GABRB1: variants seen among roughly 807,000 people sequenced by gnomAD.
The protein encoded by GABRB1 is gamma-aminobutyric acid type A receptor subunit beta1, also known as gamma-aminobutyric acid receptor subunit beta-1.
A neutral mutation model predicts 51.6 loss-of-function variants in GABRB1; 17 were observed. The observed-to-expected ratio is 0.33, with a 90% CI of 0.23 to 0.49. The LOEUF is 0.49. Among genes scored for constraint, GABRB1 ranks in the 20% least tolerant of loss-of-function variants. The pLI, the probability that GABRB1 is intolerant of heterozygous loss-of-function variation, is 0.99. For missense variants in GABRB1, 410 were observed against 600.6 expected, an observed-to-expected ratio of 0.68 and a Z score of 3.32; for synonymous variants, 247 against 218.9, an observed-to-expected ratio of 1.13 and a Z score of -1.14.
chr4:47,202,899 G>A (rs369975846), intron 4 of GABRB1, among the ~76,000 whole-genome samples: 1 of 152,074 alleles, frequency 6.6e-6, no homozygotes, highest in African/African-American at 2.4e-5. Flanking sequence ...TAAAATAAAG[G>A]CCCCAGAGGA....
chr4:47,101,700 A>T (rs1453906756), intron 3 of GABRB1, among the ~76,000 whole-genome samples: 2 of 152,054 alleles, frequency 1.3e-5, no homozygotes. Flanking sequence ...CTTGTATGTG[A>T]AAAGCCATGC....
intron 8 of GABRB1, among the ~76,000 whole-genome samples, chr4:47,420,739 T>G (rs1205884137): frequency 1.3e-5 from 2 of 152,156 alleles, no homozygotes; most frequent in Non-Finnish European, 1.5e-5. Flanking sequence ...TAAGAATACC[T>G]TAGATGCCCT....
chr4:47,181,626 AGGGTTG>A, intron 4 of GABRB1, among the ~76,000 whole-genome samples: 1 of 152,144 alleles, frequency 6.6e-6, no homozygotes, highest in South Asian at 2.1e-4. Context: ...CCTATCGCAT[AGGGTTG>A]TAAGGGCAAT....
At chr4:47,352,781 G>C (rs1287401124) in intron 5 of GABRB1, among the ~76,000 whole-genome samples, 1 of 152,172 alleles carries the variant, frequency 6.6e-6, no homozygotes, top group East Asian at 1.9e-4. Flanking sequence ...TTGCTTATTT[G>C]AGATACTTTG....
intron 3 of GABRB1, among the ~76,000 whole-genome samples, chr4:47,102,837 C>G (rs1168625111): frequency 6.6e-6 from 1 of 151,940 alleles, no homozygotes; most frequent in Non-Finnish European, 1.5e-5. Flanking sequence ...AAAACTAGAA[C>G]TAGGAGAGCA....
chr4:47,043,090 A>G (rs1162586536), intron 3 of GABRB1: 1 of 152,116 alleles, frequency 6.6e-6, no homozygotes, highest in Non-Finnish European at 1.5e-5. Flanking sequence ...AGCATGTCCT[A>G]AAGAAAAAAT....
At chr4:47,088,138 A>G (rs1305062346) in intron 3 of GABRB1, among the ~76,000 whole-genome samples, 1 of 152,226 alleles carries the variant, frequency 6.6e-6, no homozygotes, top group Non-Finnish European at 1.5e-5. Context: ...AAAGTAGAAA[A>G]CGCTGTACTT....
At chr4:47,242,252 T>C (rs374859518) in intron 4 of GABRB1, among the ~76,000 whole-genome samples, 1 of 152,242 alleles carries the variant, frequency 6.6e-6, no homozygotes, top group Non-Finnish European at 1.5e-5. Flanking sequence ...TTCCATGGTG[T>C]ATATGTGCCA....
chr4:47,239,094 C>T (rs1250828362), intron 4 of GABRB1, among the ~76,000 whole-genome samples: 1 of 152,046 alleles, frequency 6.6e-6, no homozygotes, highest in Non-Finnish European at 1.5e-5. Flanking sequence ...GTTATACTTA[C>T]AATGAAATGC....
intron 1 of GABRB1, among the ~76,000 whole-genome samples, chr4:47,010,833 T>A (rs1724560694): frequency 6.6e-6 from 1 of 152,230 alleles, no homozygotes; most frequent in East Asian, 1.9e-4. Context: ...ATAGGATTTT[T>A]ATCAAAGATG....
chr4:47,161,941 C>A (rs1003419216), intron 4 of GABRB1, among the ~76,000 whole-genome samples: 2 of 151,860 alleles, frequency 1.3e-5, no homozygotes, highest in Non-Finnish European at 2.9e-5. Flanking sequence ...CACCAATGCC[C>A]CAAAACAATA....
At chr4:47,132,181 C>T (rs1716444595) in intron 3 of GABRB1, among the ~76,000 whole-genome samples, 1 of 152,062 alleles carries the variant, frequency 6.6e-6, no homozygotes, top group African/African-American at 2.4e-5. Context: ...ATTTCTCTCT[C>T]TTTTTTTACA....
intron 1 of GABRB1, among the ~76,000 whole-genome samples, chr4:47,019,944 A>ATATGTATATGTATACGTATACGTG (rs1560498438): frequency 2.7e-5 from 4 of 150,682 alleles, no homozygotes; most frequent in African/African-American, 9.8e-5. Context: ...ACGTATATGT[A>ATATGTATATGTATACGTATACGTG]TATGTATATG....
At chr4:47,009,307 C>T (rs1277400960) in intron 1 of GABRB1, among the ~76,000 whole-genome samples, 1 of 151,384 alleles carries the variant, frequency 6.6e-6, no homozygotes. Context: ...CAAAACATCA[C>T]ATTTACCACA....
intron 5 of GABRB1, among the ~76,000 whole-genome samples, chr4:47,387,540 C>T (rs1024405152): frequency 2.6e-5 from 4 of 152,070 alleles, no homozygotes; most frequent in African/African-American, 9.7e-5. Context: ...CAAACTGGCT[C>T]GATACAATTA....
At chr4:47,266,544 C>G (rs1261250280) in intron 4 of GABRB1, among the ~76,000 whole-genome samples, 1 of 152,076 alleles carries the variant, frequency 6.6e-6, no homozygotes, top group Non-Finnish European at 1.5e-5. Context: ...ACCCAAAGAT[C>G]GGTCAGGAGC....
chr4:47,218,386 A>G (rs1720636131), intron 4 of GABRB1, among the ~76,000 whole-genome samples: 1 of 151,802 alleles, frequency 6.6e-6, no homozygotes, highest in South Asian at 2.1e-4. Context: ...TAGTTGTTCT[A>G]TTTTTAGTTT....
chr4:47,223,591 A>G (rs532660856), intron 4 of GABRB1, among the ~76,000 whole-genome samples: 1 of 152,188 alleles, frequency 6.6e-6, no homozygotes, highest in African/African-American at 2.4e-5. Context: ...AGAAAGTGTT[A>G]TTAAGATAAT....
chr4:47,172,581 A>T (rs1297163380), intron 4 of GABRB1, among the ~76,000 whole-genome samples: 1 of 149,482 alleles, frequency 6.7e-6, no homozygotes, highest in African/African-American at 2.5e-5. Flanking sequence ...TTTATGTTTA[A>T]TGAAGTAGGC....
Sources: allele counts gnomAD v4.1 joint callset (sites outside exome capture counted in the v4.1 genomes callset), GRCh38; gene constraint gnomAD v4.1.1; transcripts MANE v1.5; gene names NCBI Gene and HGNC (gene_info 2026-07-23, HGNC 2026-07-21).